Variants in MYLK4 observed in about 807,000 individuals in gnomAD.
MYLK4 encodes the protein caMLCK like.
MYLK4 carries 46 observed loss-of-function variants against 48.1 expected under a neutral mutation model. That is an observed-to-expected ratio of 0.96 (90% CI 0.75 to 1.22). The LOEUF is 1.22. MYLK4 is among the 50% of genes most tolerant of loss of function. The pLI, the probability that MYLK4 is intolerant of heterozygous loss-of-function variation, is 0.00. For missense variants in MYLK4, 451 were observed against 486.1 expected, an observed-to-expected ratio of 0.93 and a Z score of 0.68; for synonymous variants, 170 against 180.8, an observed-to-expected ratio of 0.94 and a Z score of 0.48.
At chr6:2,694,575 C>G (rs1172509277) in intron 2 of MYLK4, among the ~76,000 whole-genome samples, 88 of 39,506 alleles carry the variant, frequency 2.2e-3, no homozygotes, top group African/African-American at 5.1e-3. Flanking sequence ...AGTGGTAGTG[C>G]TGCTGGTGGT....
At chr6:2,766,626 A>G in the MYLK4 span, among the ~76,000 whole-genome samples, 1,982 of 152,240 alleles carry the variant, frequency 0.013, 30 homozygotes, top group South Asian at 0.061. Context: ...GATGGGTGTG[A>G]AAAGGGCACA....
At chr6:2,770,043 G>A in the MYLK4 span, 21 of 1,586,826 alleles carry the variant, frequency 1.3e-5, no homozygotes, top group Non-Finnish European at 1.6e-5. Context: ...AGGAAGGAAG[G>A]GATAGCCAAC....
chr6:2,767,274 C>G, the MYLK4 span, among the ~76,000 whole-genome samples: 1 of 152,150 alleles, frequency 6.6e-6, no homozygotes. Flanking sequence ...CTAAGAAGTG[C>G]TTAAATACAG....
chr6:2,689,876 A>T (rs550542842), intron 3 of MYLK4, among the ~76,000 whole-genome samples: 11 of 152,228 alleles, frequency 7.2e-5, no homozygotes, highest in Non-Finnish European at 1.0e-4. Context: ...TAATATTTTT[A>T]AAAATTCAGA....
At chr6:2,765,245 C>T in the MYLK4 span, among the ~76,000 whole-genome samples, 93 of 144,166 alleles carry the variant, frequency 6.5e-4, no homozygotes, top group African/African-American at 2.1e-3. Context: ...AATGGACGCA[C>T]GGCAGCTGGG....
At chr6:2,763,724 C>T in the MYLK4 span, among the ~76,000 whole-genome samples, 86 of 152,354 alleles carry the variant, frequency 5.6e-4, no homozygotes, top group Admixed American at 9.1e-4. Context: ...CATAGTACAG[C>T]GGCAGGCTGA....
At chr6:2,754,274 A>C (rs1462984522), upstream of MYLK4, among the ~76,000 whole-genome samples, 1 of 152,190 alleles carries the variant, frequency 6.6e-6, no homozygotes, top group Non-Finnish European at 1.5e-5. Context: ...AACAACCAAA[A>C]TGTCCATCGG....
At chr6:2,768,264 G>T in the MYLK4 span, among the ~76,000 whole-genome samples, 3 of 152,118 alleles carry the variant, frequency 2.0e-5, no homozygotes, top group Non-Finnish European at 2.9e-5. Flanking sequence ...TTCCAGTTCG[G>T]GCTGTGGTTC....
the MYLK4 span, among the ~76,000 whole-genome samples, chr6:2,763,929 C>T: frequency 6.6e-6 from 1 of 152,124 alleles, no homozygotes; most frequent in Admixed American, 6.5e-5. Context: ...GGCGGATCAC[C>T]TGAGGTCGGG....
chr6:2,739,160 T>G (rs115322837), intron 2 of MYLK4, among the ~76,000 whole-genome samples: 1 of 152,154 alleles, frequency 6.6e-6, no homozygotes, highest in African/African-American at 2.4e-5. Context: ...AGATAAGAAT[T>G]CTACCAACTT....
At chr6:2,674,984 C>A in intron 11 of MYLK4, 63 bp downstream of exon 11, 1 of 1,103,116 alleles carries the variant, frequency 9.1e-7, no homozygotes, top group South Asian at 1.3e-5. Context: ...ATGACTCCAG[C>A]ATCTGATCTT....
chr6:2,704,501 C>T (rs1002699420), intron 2 of MYLK4, among the ~76,000 whole-genome samples: 1 of 152,152 alleles, frequency 6.6e-6, no homozygotes, highest in Non-Finnish European at 1.5e-5. Flanking sequence ...TTTCTTAGAC[C>T]TACTAAAAAT....
intron 3 of MYLK4, among the ~76,000 whole-genome samples, chr6:2,691,943 G>C (rs1761820464): frequency 6.6e-6 from 1 of 152,182 alleles, no homozygotes; most frequent in African/African-American, 2.4e-5. Context: ...TAGCTCTAGA[G>C]AAAACATTGC....
At chr6:2,676,240 A>C (rs1236340611) in intron 10 of MYLK4, among the ~76,000 whole-genome samples, 1 of 152,248 alleles carries the variant, frequency 6.6e-6, no homozygotes, top group East Asian at 1.9e-4. Context: ...TCAGATACCA[A>C]AATATTTAAG....
At chr6:2,767,072 C>T in the MYLK4 span, among the ~76,000 whole-genome samples, 1 of 152,106 alleles carries the variant, frequency 6.6e-6, no homozygotes, top group Non-Finnish European at 1.5e-5. Context: ...CCGGTATTTC[C>T]GTAACTTTTC....
intron 2 of MYLK4, among the ~76,000 whole-genome samples, chr6:2,737,570 A>G (rs1763723317): frequency 6.6e-6 from 1 of 152,184 alleles, no homozygotes; most frequent in Admixed American, 6.5e-5. Flanking sequence ...GAGAGATGTA[A>G]GATACATTTC....
intron 6 of MYLK4, among the ~76,000 whole-genome samples, chr6:2,684,045 A>T (rs565869850): frequency 6.6e-6 from 1 of 152,342 alleles, no homozygotes; most frequent in South Asian, 2.1e-4. Flanking sequence ...ATACAGTTTA[A>T]TTCATAAATT....
chr6:2,701,073 T>C (rs1391460108), intron 2 of MYLK4, among the ~76,000 whole-genome samples: 4 of 152,312 alleles, frequency 2.6e-5, no homozygotes, highest in Middle Eastern at 3.4e-3. Context: ...CAGCTCCTCA[T>C]GTTCATTTCA....
chr6:2,748,007 C>T (rs1029170185), intron 2 of MYLK4, among the ~76,000 whole-genome samples: 9 of 152,192 alleles, frequency 5.9e-5, no homozygotes, highest in African/African-American at 2.2e-4. Context: ...TTCTTATTCA[C>T]TTACAATAAA....
Sources: gnomAD v4.1 joint callset for allele counts (sites outside exome capture counted in the v4.1 genomes callset) on GRCh38, gnomAD v4.1.1 for gene constraint, MANE v1.5 for transcripts, NCBI Gene and HGNC (gene_info 2026-07-23, HGNC 2026-07-21) for gene names.